NDUFS6: variants seen among roughly 807,000 people sequenced by gnomAD.
NDUFS6 encodes the protein NADH:ubiquinone oxidoreductase subunit S6.
Under a neutral mutation model 13.2 loss-of-function variants are expected in NDUFS6, and 14 were observed. That is an observed-to-expected ratio of 1.06 (90% CI 0.70 to 1.66). The LOEUF is 1.66. Among genes scored for constraint, NDUFS6 ranks in the 40% most tolerant of loss-of-function variants. NDUFS6 has a pLI of 0.00. For missense variants in NDUFS6, 206 were observed against 170.8 expected (o/e 1.21, Z -1.15); for synonymous variants, 95 against 72.3 (o/e 1.31, Z -1.60).
In NDUFS6 at chr5:1,814,245, G is replaced by A. The variant is rs1734266427; in HGVS notation, c.187-94G>A. 1 of 1,535,048 alleles carries A rather than the reference G, an allele frequency of 6.5e-7. No individual in the cohort carries two copies. On this transcript the variant is annotated intron_variant, in intron 2 of 3. Coordinates refer to ENST00000274137, the MANE Select transcript of NDUFS6 (RefSeq NM_004553.6). This position sits in a 1 kb window ranked among gnomAD's most constrained non-coding sequence, Gnocchi z 4.9. ...AATGAAGCATGCACCATAGATTCGTGCTGATGGTACATGAATTTGTGTGTG... is the reference window on the plus strand; with the variant it reads ...AATGAAGCATGCACCATAGATTCGTACTGATGGTACATGAATTTGTGTGTG...
intron 2 of NDUFS6, among the ~76,000 whole-genome samples, chr5:1,809,191 G>A (rs1010185798): frequency 1.3e-5 from 2 of 151,988 alleles, no homozygotes; most frequent in African/African-American, 4.8e-5. Flanking sequence ...GACGGGCGAG[G>A]GACTCATTTT....
chr5:1,814,704 C>T lies in NDUFS6; in HGVS notation c.309+243C>T. 6.9e-6 allele frequency: 5 copies of T among 724,274 alleles called. No individual in the cohort carries two copies. Among genetic ancestry groups the T allele is most frequent in the Non-Finnish European group, 7.4e-6 (3 of 405,034 alleles). The allele number at this position is 724,274 out of a possible 1,614,324, so 44.9% of individuals were successfully genotyped here. A position where few individuals can be genotyped will look rare whatever the true frequency, so the allele number is the denominator to read the frequency against. ...GGCGGCATGTTTCTCTTCTCGGACG[C>T]CCAAGCGTCTTTCCTCTCTGGGCCC... On this transcript the variant is annotated intron_variant, in intron 3 of 3. Transcript: ENST00000274137. This position sits in a 1 kb window ranked among gnomAD's most constrained non-coding sequence, Gnocchi z 4.9.
rs756326605 is a variant in NDUFS6 at position 1,801,533 on chromosome 5, T to C, written c.116T>C (p.Val39Ala). 19 of 1,591,464 alleles carry C rather than the reference T, an allele frequency of 1.2e-5. No individual in the cohort carries two copies. In the East Asian group the frequency reaches 4.3e-4, roughly 36 times the overall value. The change falls in exon 1 of 4, where the codon GTC (valine) becomes GCC (alanine). Residue 39 changes from valine (V) to alanine (A), a missense_variant. Transcript: ENST00000274137. ...GVRVSPTGEKVTHTGQVYDDK... is the reference protein window; with the variant it reads ...GVRVSPTGEKATHTGQVYDDK... The stretch of plus-strand genomic sequence containing the variant: ...CGGGTCTCGCCGACCGGGGAGAAGG[T>C]CACGCACACTGGCCAGGTAACGGCC...
At chr5:1,809,417 G>C (rs547234876) in intron 2 of NDUFS6, among the ~76,000 whole-genome samples, 58 of 152,258 alleles carry the variant, frequency 3.8e-4, no homozygotes, top group African/African-American at 1.4e-3. Context: ...GTTCACTGCC[G>C]GAGCTTGGCC....
intron 2 of NDUFS6, among the ~76,000 whole-genome samples, chr5:1,805,918 G>A (rs780628061): frequency 1.3e-5 from 2 of 152,194 alleles, no homozygotes; most frequent in Non-Finnish European, 2.9e-5. Context: ...TATGAGGGCT[G>A]TGTGCTTCAG....
At chr5:1,811,734 A>G (rs1241346507) in intron 2 of NDUFS6, among the ~76,000 whole-genome samples, 2 of 152,244 alleles carry the variant, frequency 1.3e-5, no homozygotes. Context: ...TTGGATCTCA[A>G]GACTTGATCA....
intron 2 of NDUFS6, among the ~76,000 whole-genome samples, chr5:1,813,571 G>A (rs1467353712): frequency 6.6e-6 from 1 of 152,112 alleles, no homozygotes; most frequent in Non-Finnish European, 1.5e-5. Context: ...GTAGTCCTGT[G>A]TCCTCCTTCA....
At chr5:1,809,590 G>A (rs577654056) in intron 2 of NDUFS6, among the ~76,000 whole-genome samples, 1 of 152,344 alleles carries the variant, frequency 6.6e-6, no homozygotes, top group South Asian at 2.1e-4. Context: ...AGGGCATCCC[G>A]CGTCAGTCGC....
Position 1,815,841 on chromosome 5 carries a change from A to AT in NDUFS6, c.310-4dup. 6.2e-7 allele frequency: 1 copy of AT among 1,613,994 alleles called. No homozygotes were observed. Among genetic ancestry groups the AT allele is most frequent in the Non-Finnish European group, 8.5e-7 (1 of 1,179,910 alleles). On this transcript the variant is annotated splice_polypyrimidine_tract_variant and intron_variant, in intron 3 of 3. Transcript: ENST00000274137. ...GGAAATATGACATCATTCCTTTTGA[A>AT]TTTTTTCAGGACAAAGAAACAAAAA...
At chr5:1,810,910 T>C (rs915005426) in intron 2 of NDUFS6, among the ~76,000 whole-genome samples, 2 of 152,312 alleles carry the variant, frequency 1.3e-5, no homozygotes, top group African/African-American at 4.8e-5. Context: ...ACAACATAGG[T>C]GTGAACTGTG....
At chr5:1,804,830 A>G (rs1242142767) in intron 2 of NDUFS6, among the ~76,000 whole-genome samples, 1 of 152,192 alleles carries the variant, frequency 6.6e-6, no homozygotes, top group Non-Finnish European at 1.5e-5. Flanking sequence ...ATACATTATT[A>G]CTAACTCAAG....
rs771744246 is a variant in NDUFS6 at position 1,815,965 on chromosome 5, G to A, written c.*49G>A. 11 of 1,601,688 alleles carry A rather than the reference G, an allele frequency of 6.9e-6. No homozygotes were observed. The highest frequency in any genetic ancestry group is 3.3e-5 in the South Asian group (3 of 90,846). ...CGCAGCATCCTGTGAGCATTTCCGC[G>A]GGGAAGCTGAGCACGTGAAGCTCGC... is the stretch of plus-strand genomic sequence containing the variant. On this transcript the variant is annotated 3_prime_UTR_variant, in exon 4 of 4. Transcript: ENST00000274137.
At chr5:1,811,825 T>C (rs1734223743) in intron 2 of NDUFS6, among the ~76,000 whole-genome samples, 1 of 152,212 alleles carries the variant, frequency 6.6e-6, no homozygotes, top group African/African-American at 2.4e-5. Context: ...ATAATATAAT[T>C]GGTTCTGGTT....
At position 1,812,314 on chromosome 5, in the gene NDUFS6, A is replaced by T. The variant is rs184266244; in HGVS notation, c.187-2025A>T. Among the ~76,000 whole-genome samples the T allele has an allele frequency of 7.2e-5, 11 of 152,080 alleles. No individual in the cohort carries two copies. In the East Asian group the frequency reaches 2.1e-3, roughly 29 times the overall value. On this transcript the variant is annotated intron_variant, in intron 2 of 3. Coordinates refer to ENST00000274137, the MANE Select transcript of NDUFS6 (RefSeq NM_004553.6). ...TGAAGGCCCCGCCCTGTCTCTCAAC[A>T]CTGTTGCATTGACTATTCAGTTTCC...
At chr5:1,807,845 T>C (rs1734151301) in intron 2 of NDUFS6, among the ~76,000 whole-genome samples, 1 of 152,272 alleles carries the variant, frequency 6.6e-6, no homozygotes, top group African/African-American at 2.4e-5. Context: ...GAGGGAGTGC[T>C]GAGGTACCCA....
chr5:1,809,492 C>G (rs1181524519), intron 2 of NDUFS6, among the ~76,000 whole-genome samples: 1 of 152,182 alleles, frequency 6.6e-6, no homozygotes, highest in Non-Finnish European at 1.5e-5. Flanking sequence ...CTTTGTATTC[C>G]TGCGGTTGCA....
intron 2 of NDUFS6, among the ~76,000 whole-genome samples, chr5:1,803,295 T>G (rs1050778335): frequency 3.3e-5 from 5 of 152,144 alleles, no homozygotes; most frequent in African/African-American, 7.2e-5. Context: ...GTTTGATGGG[T>G]GGGTGTCAGA....
intron 1 of NDUFS6, 127 bp downstream of exon 1, chr5:1,801,676 C>T: frequency 7.3e-7 from 1 of 1,376,768 alleles, no homozygotes; most frequent in Non-Finnish European, 9.6e-7. Flanking sequence ...TAAGGTTGTG[C>T]TGTCGCTCAC....
Position 1,815,878 on chromosome 5 carries a change from G to T in NDUFS6, c.337G>T (p.Gly113Cys), listed in dbSNP as rs200109710. ...CAAAGAAACAAAAACCGGCACATGC[G>T]GTTACTGTGGGCTCCAGTTCAGACA... is the stretch of plus-strand genomic sequence containing the variant. The part of the protein sequence containing the change: ...LDKETKTGTC[G>C]YCGLQFRQHH... The change falls in exon 4 of 4, where the codon GGT (glycine) becomes TGT (cysteine). Residue 113 changes from glycine to cysteine, a missense_variant. Gly to Cys is a radical substitution (Grantham distance 159). Coordinates refer to ENST00000274137, the MANE Select transcript of NDUFS6 (RefSeq NM_004553.6). 1 of 1,614,106 alleles carries T rather than the reference G, an allele frequency of 6.2e-7. No homozygotes were observed. Among genetic ancestry groups the T allele is most frequent in the Non-Finnish European group, 8.5e-7 (1 of 1,180,048 alleles).
Sources: gnomAD v4.1 joint callset for allele counts (sites outside exome capture counted in the v4.1 genomes callset) on GRCh38, gnomAD v4.1.1 for gene constraint, Gnocchi (gnomAD v3.1) non-coding constraint, MANE v1.5 for transcripts, NCBI Gene and HGNC (gene_info 2026-07-23, HGNC 2026-07-21) for gene names.